The following KCP variants were observed in gnomAD, a reference collection of about 807,000 sequenced individuals.
KCP encodes kielin/chordin-like protein.
KCP carries 194 observed loss-of-function variants against 212.7 expected under a neutral mutation model. The observed-to-expected ratio is 0.91, with a 90% confidence interval of 0.81 to 1.03. KCP has a LOEUF of 1.03. KCP is among the 50% of genes least tolerant of loss of function. The pLI is 0.00. For missense variants in KCP, 2,080 were observed against 2,162.5 expected (o/e 0.96, Z 0.76); for synonymous variants, 833 against 865.3 (o/e 0.96, Z 0.65).
chr7:128,879,781 G>A lies in KCP; in HGVS notation c.3981C>T (p.Thr1327=), dbSNP rs1372656099. ...CTCCCAGCAGCACCGCCACCTCCTG[G>A]GTCCAGGCCACACCGCTCCGGCCCC... ...DDRGRSGVAW[T]QEVAVLLGDM... is the part of the protein sequence containing the mutation. The change falls in exon 36 of 40, where the codon ACC becomes ACT. Residue 1327 remains threonine (T), a synonymous_variant. Transcript: ENST00000610776. 6.4e-7 allele frequency: 1 copy of A among 1,550,710 alleles called. No homozygotes were observed. Among genetic ancestry groups the A allele is most frequent in the South Asian group, 1.2e-5 (1 of 84,054 alleles).
intron 22 of KCP, among the ~76,000 whole-genome samples, chr7:128,888,327 AACAC>A (rs760342030): frequency 2.3e-4 from 25 of 106,678 alleles, no homozygotes; most frequent in South Asian, 6.3e-4. Flanking sequence ...CACACAGAGC[AACAC>A]ACACACACAC....
At chr7:128,909,291 T>C (rs561237584) in intron 1 of KCP, among the ~76,000 whole-genome samples, 2 of 151,930 alleles carry the variant, frequency 1.3e-5, no homozygotes, top group Admixed American at 6.6e-5. Flanking sequence ...GCGGAGGCAA[T>C]AGGAACAGAG....
In KCP at chr7:128,902,801, G is replaced by T. The variant is rs1794928839; in HGVS notation, c.807C>A (p.Asp269Glu). Residue 269 changes from aspartate (D) to glutamate (E), a missense_variant, in exon 8 of 40, where the codon GAC becomes GAA. Asp to Glu is a conservative substitution (Grantham distance 45, BLOSUM62 2). Transcript: ENST00000610776. ...EHGQEWTTPG[D>E]PCRICRCLEG... is the part of the protein sequence containing the mutation. ...CCAGGCACCGGCAGATTCGGCAGGG[G>T]TCCCCAGGTGTTGTCCACTCTTGGC... 4.5e-6 allele frequency: 7 copies of T among 1,551,552 alleles called. No individual in the cohort carries two copies. The highest frequency in any genetic ancestry group is 2.4e-5 in the South Asian group (2 of 84,066).
At chr7:128,906,919 C>T (rs1176502761) in intron 4 of KCP, among the ~76,000 whole-genome samples, 182 bp downstream of exon 4, 3 of 152,150 alleles carry the variant, frequency 2.0e-5, no homozygotes, top group African/African-American at 4.8e-5. Context: ...TTGGGGACCC[C>T]CCAGTGTCCG....
chr7:128,902,705 A>T (rs781016287), intron 8 of KCP, 72 bp downstream of exon 8: 75 of 1,361,714 alleles, frequency 5.5e-5, no homozygotes, highest in Admixed American at 2.2e-4. Flanking sequence ...AGTACTCCAT[A>T]GAATGAGCAA....
At position 128,903,413 on chromosome 7, in the gene KCP, C is replaced by T. The variant is rs1585251614; in HGVS notation, c.748+314G>A. On this transcript the variant is annotated intron_variant, in intron 7 of 39. Coordinates refer to ENST00000610776, the MANE Select transcript of KCP (RefSeq NM_001366122.1). Reference sequence around the variant, plus strand: ...TACAAGATTTTGCATTAGTGTATGACTCAGTGTCACACTCTAGGGGTCATC... The same window carrying T: ...TACAAGATTTTGCATTAGTGTATGATTCAGTGTCACACTCTAGGGGTCATC... The T allele has an allele frequency of 1.4e-5, 6 of 419,498 alleles. No homozygotes were observed. In the East Asian group the frequency reaches 2.3e-4, roughly 16 times the overall value. 26.0% of individuals were successfully genotyped at this position (419,498 alleles called of 1,614,324 possible).
Position 128,880,296 on chromosome 7 carries a change from C to T in KCP, c.3759+90G>A, listed in dbSNP as rs1326362479. On this transcript the variant is annotated intron_variant, in intron 34 of 39. Coordinates refer to ENST00000610776, the MANE Select transcript of KCP (RefSeq NM_001366122.1). ...CTCCCAGCTGGCGGCAGGAGCCCAG[C>T]CTCCCTCTCTGATGCCTGGTCACAC... 81 of 1,427,222 alleles carry T rather than the reference C, an allele frequency of 5.7e-5. No individual in the cohort carries two copies. The South Asian group carries it at 7.9e-4, about 14-fold the overall frequency. 88.4% of individuals were successfully genotyped at this position (1,427,222 alleles called of 1,614,324 possible). A position where few individuals can be genotyped will look rare whatever the true frequency, so the allele number is the denominator to read the frequency against.
chr7:128,906,254 G>A (rs1411985953), intron 5 of KCP, 25 bp downstream of exon 5: 11 of 1,531,090 alleles, frequency 7.2e-6, no homozygotes, highest in Non-Finnish European at 9.7e-6. Flanking sequence ...GCAGGAGGTG[G>A]GGCTGAGACT....
chr7:128,908,527 C>CA lies in KCP; in HGVS notation c.117dup (p.Ala40CysfsTer36). ...TTCCCAGCAAGGACTGAGGAATGGG[C>CA]AGTTGTCTGCTGCCCAGGGGGCTCC... On this transcript the variant is annotated frameshift_variant, in exon 2 of 40. Coordinates refer to ENST00000610776, the MANE Select transcript of KCP (RefSeq NM_001366122.1). LOFTEE classifies it high-confidence loss of function. 1 of 1,551,708 alleles carries CA rather than the reference C, an allele frequency of 6.4e-7. No homozygotes were observed. Among genetic ancestry groups the CA allele is most frequent in the South Asian group, 1.2e-5 (1 of 84,052 alleles).
rs1430203111 is a variant in KCP, at chr7:128,907,266, C to T, written c.407G>A (p.Arg136Lys). 1.3e-6 allele frequency: 2 copies of T among 1,533,448 alleles called. No individual in the cohort carries two copies. The highest frequency in any genetic ancestry group is 1.8e-6 in the Non-Finnish European group (2 of 1,132,802). 95.0% of individuals were successfully genotyped at this position (1,533,448 alleles called of 1,614,324 possible). A position where few individuals can be genotyped will look rare whatever the true frequency, so the allele number is the denominator to read the frequency against. The change falls in exon 3 of 40, where the codon AGG (arginine) becomes AAG (lysine). Residue 136 changes from arginine to lysine, a missense_variant and splice_region_variant. Physicochemically the swap from Arg to Lys is conservative, Grantham distance 26. Coordinates refer to ENST00000610776, the MANE Select transcript of KCP (RefSeq NM_001366122.1). ...CGPQAHLPHC[R>K]GCSQNGQTYG... The stretch of plus-strand genomic sequence containing the variant: ...TGGGCGGATAGGGTGGCACTTACCC[C>T]TGCAATGGGGCAGGTGTGCTTGGGG...
chr7:128,883,159 G>C (rs1440861401), intron 29 of KCP, among the ~76,000 whole-genome samples: 1 of 112,476 alleles, frequency 8.9e-6, no homozygotes, highest in Non-Finnish European at 1.9e-5. Flanking sequence ...TTTTTTTTTT[G>C]AGACAGAATC....
Position 128,876,964 on chromosome 7 carries a change from A to G in KCP, c.*79T>C, listed in dbSNP as rs1793023543. 1 of 1,485,642 alleles carries G rather than the reference A, an allele frequency of 6.7e-7. No individual in the cohort carries two copies. The highest frequency in any genetic ancestry group is 8.9e-7 in the Non-Finnish European group (1 of 1,117,944). The allele number at this position is 1,485,642 out of a possible 1,614,324, so 92.0% of individuals were successfully genotyped here. A position where few individuals can be genotyped will look rare whatever the true frequency, so the allele number is the denominator to read the frequency against. On this transcript the variant is annotated 3_prime_UTR_variant, in exon 40 of 40. Transcript: ENST00000610776. The stretch of plus-strand genomic sequence containing the variant: ...AGTGTCCAGGCAGGGCATTCTCTCC[A>G]TAGCCCTAACCAGGGTGGGAACTGC...
At chr7:128,881,490 A>C (rs1278109334) in intron 31 of KCP, 136 bp downstream of exon 31, 2 of 569,592 alleles carry the variant, frequency 3.5e-6, no homozygotes, top group Non-Finnish European at 5.8e-6. Context: ...CCATTTCTAG[A>C]AAAGAATGAA....
At position 128,885,126 on chromosome 7, in the gene KCP, C is replaced by G. The variant is rs1325134469; in HGVS notation, c.3011G>C (p.Gly1004Ala). ...CISSCAQPRQGPHDCCPQCSD... is the reference protein window; with the variant it reads ...CISSCAQPRQAPHDCCPQCSD... ...GCATTGAGGACAGCAGTCATGGGGC[C>G]CTTGGCGGGGCTGGGCGCAAGAGCT... The change falls in exon 27 of 40, where the codon GGG (glycine) becomes GCG (alanine). Residue 1004 changes from glycine to alanine, a missense_variant. Gly to Ala is a moderately conservative substitution (Grantham distance 60). Coordinates refer to ENST00000610776, the MANE Select transcript of KCP (RefSeq NM_001366122.1). 6.4e-7 allele frequency: 1 copy of G among 1,550,756 alleles called. No homozygotes were observed. Among genetic ancestry groups the G allele is most frequent in the African/African-American group, 1.4e-5 (1 of 73,056 alleles).
chr7:128,892,405 A>T (rs1343719112), intron 16 of KCP, 109 bp downstream of exon 16: 1 of 801,716 alleles, frequency 1.2e-6, no homozygotes, highest in East Asian at 2.7e-5. Flanking sequence ...ACAAGACTGA[A>T]ACAATTCAGA....
At position 128,892,592 on chromosome 7, in the gene KCP, A is replaced by C; in HGVS notation, c.1543T>G (p.Cys515Gly). 6.4e-7 allele frequency: 1 copy of C among 1,550,998 alleles called. No homozygotes were observed. The highest frequency in any genetic ancestry group is 8.7e-7 in the Non-Finnish European group (1 of 1,146,514). The stretch of plus-strand genomic sequence containing the variant: ...GTGGGAGGGCAGTCAACCAAGGAGC[A>C]TGTCACAGTTCCATCCTGCGAGAGA... ...ACHCQDGTVTCSLVDCPPTTC... is the reference protein window; with the variant it reads ...ACHCQDGTVTGSLVDCPPTTC... Residue 515 changes from cysteine to glycine, a missense_variant, in exon 16 of 40, where the codon TGC (cysteine) becomes GGC (glycine). By Grantham distance (159) the Cys-to-Gly change is radical (BLOSUM62 -3). Transcript: ENST00000610776.
In KCP at chr7:128,887,009, T is replaced by C. The variant is rs1385201600; in HGVS notation, c.2599-43A>G. ...ATCACACCCTCAACTGGACTGCACA[T>C]TTCCCCAGGGCTGGAGCCCCTACTG... On this transcript the variant is annotated intron_variant, in intron 23 of 39. Transcript: ENST00000610776. 5.3e-6 allele frequency: 6 copies of C among 1,135,112 alleles called. No homozygotes were observed. In the African/African-American group the frequency reaches 6.2e-5, roughly 12 times the overall value. The allele number at this position is 1,135,112 out of a possible 1,614,324, so 70.3% of individuals were successfully genotyped here.
intron 1 of KCP, 29 bp downstream of exon 1, chr7:128,910,572 G>A: frequency 6.6e-7 from 1 of 1,505,630 alleles, no homozygotes; most frequent in Non-Finnish European, 8.8e-7. Flanking sequence ...CACCTGGCCG[G>A]ACCCCAAGCC....
rs1485971991 is a variant in KCP, at chr7:128,879,982, CCGTCGAAGGTG to C, written c.3852_3862del (p.Thr1285ProfsTer29). The stretch of plus-strand genomic sequence containing the variant: ...ACTGCCCTGGAAGTGCAGCAGGCGG[CCGTCGAAGGTG>C]CGGTAATGGGGGTCTCCGAAGGCCA... On this transcript the variant is annotated frameshift_variant, in exon 35 of 40. Coordinates refer to ENST00000610776, the MANE Select transcript of KCP (RefSeq NM_001366122.1). LOFTEE classifies it high-confidence loss of function. The C allele has an allele frequency of 6.4e-7, 1 of 1,550,614 alleles. No individual in the cohort carries two copies. Among genetic ancestry groups the C allele is most frequent in the Non-Finnish European group, 8.7e-7 (1 of 1,146,946 alleles).
Sources: gnomAD v4.1 joint callset for allele counts (sites outside exome capture counted in the v4.1 genomes callset) on GRCh38, gnomAD v4.1.1 for gene constraint, MANE v1.5 for transcripts, NCBI Gene and HGNC (gene_info 2026-07-23, HGNC 2026-07-21) for gene names.